MALL: variants seen among roughly 807,000 people sequenced by gnomAD.
The protein encoded by MALL is mal, T cell differentiation protein like, also known as MAL-like protein.
MALL carries 2 observed loss-of-function variants against 10.3 expected under a neutral mutation model. The observed-to-expected ratio is 0.19, with a 90% CI of 0.08 to 0.61. MALL has a LOEUF of 0.61. MALL is among the 20% of genes least tolerant of loss of function. The pLI, the probability that MALL is intolerant of heterozygous loss-of-function variation, is 0.88. For synonymous variants in MALL, 27 were observed against 51.8 expected (o/e 0.52, Z 2.05); for missense variants, 39 against 115.2 (o/e 0.34, Z 3.03).
intron 1 of MALL, among the ~76,000 whole-genome samples, chr2:110,102,933 A>G (rs1678604883): frequency 1.3e-5 from 2 of 152,124 alleles, no homozygotes; most frequent in Non-Finnish European, 2.9e-5. Flanking sequence ...ATCCCCCTCC[A>G]TACCTCCCCC....
chr2:110,100,988 TCAGGGA>T (rs1304668722), intron 1 of MALL, among the ~76,000 whole-genome samples: 1 of 151,746 alleles, frequency 6.6e-6, no homozygotes, highest in South Asian at 2.1e-4. Context: ...CAGCTGGAGG[TCAGGGA>T]CCCAGCCAGG....
chr2:110,106,301 A>G (rs1467275112), intron 1 of MALL, among the ~76,000 whole-genome samples: 2 of 152,142 alleles, frequency 1.3e-5, no homozygotes, highest in African/African-American at 4.8e-5. Context: ...AAAGCTGATG[A>G]GTCACCTCGT....
At chr2:110,097,389 T>C (rs954190267) in intron 1 of MALL, 12 of 445,792 alleles carry the variant, frequency 2.7e-5, no homozygotes, top group African/African-American at 6.1e-5. Flanking sequence ...AAACAAATAA[T>C]ATGTAAATTT....
At chr2:110,106,944 G>A (rs1270747165) in intron 1 of MALL, among the ~76,000 whole-genome samples, 4 of 152,194 alleles carry the variant, frequency 2.6e-5, no homozygotes, top group Non-Finnish European at 4.4e-5. Context: ...GCATTAGGCT[G>A]AGTGGAAGAA....
At chr2:110,097,984 AGC>A (rs1173922541) in intron 1 of MALL, among the ~76,000 whole-genome samples, 1 of 152,010 alleles carries the variant, frequency 6.6e-6, no homozygotes, top group Non-Finnish European at 1.5e-5. Context: ...CACACAGGTG[AGC>A]CGGGGTCTCC....
chr2:110,095,347 C>G (rs1678418592), intron 1 of MALL, among the ~76,000 whole-genome samples: 1 of 152,108 alleles, frequency 6.6e-6, no homozygotes, highest in South Asian at 2.1e-4. Flanking sequence ...TTGATTACAG[C>G]GAGCCATTTA....
At chr2:110,102,605 G>A (rs113177556) in intron 1 of MALL, among the ~76,000 whole-genome samples, 4 of 152,190 alleles carry the variant, frequency 2.6e-5, no homozygotes, top group East Asian at 1.9e-4. Context: ...ATCGCCTGCC[G>A]CCTTCTGGGC....
chr2:110,094,709 T>C (rs2104378915), intron 1 of MALL, among the ~76,000 whole-genome samples: 1 of 746 alleles, frequency 1.3e-3, no homozygotes, highest in South Asian at 0.026. Flanking sequence ...GTTGTGGTTC[T>C]TGCCCTAAAA....
At chr2:110,101,189 G>A (rs980378435) in intron 1 of MALL, among the ~76,000 whole-genome samples, 2 of 152,116 alleles carry the variant, frequency 1.3e-5, no homozygotes, top group African/African-American at 2.4e-5. Context: ...TTCGAATACA[G>A]GAGGATGCTG....
upstream of MALL, chr2:110,115,834 G>A: frequency 2.1e-6 from 2 of 962,982 alleles, no homozygotes; most frequent in East Asian, 3.3e-5. Context: ...GCTCGCCCGC[G>A]CGCAGCCTGT....
At chr2:110,115,836 G>A, upstream of MALL, 1 of 949,352 alleles carries the variant, frequency 1.1e-6, no homozygotes, top group Non-Finnish European at 1.4e-6. Flanking sequence ...TCGCCCGCGC[G>A]CAGCCTGTCA....
chr2:110,109,156 A>G (rs1678752355), intron 1 of MALL, among the ~76,000 whole-genome samples: 1 of 152,152 alleles, frequency 6.6e-6, no homozygotes, highest in South Asian at 2.1e-4. Flanking sequence ...ACATAACCAA[A>G]GTAGACAGGC....
chr2:110,097,686 G>A (rs1330180653), intron 1 of MALL: 2 of 359,188 alleles, frequency 5.6e-6, no homozygotes, highest in Non-Finnish European at 1.1e-5. Context: ...GCTGGGAGGT[G>A]TGGGTTTGGG....
intron 1 of MALL, among the ~76,000 whole-genome samples, chr2:110,100,602 T>G (rs948474676): frequency 5.3e-5 from 8 of 152,090 alleles, no homozygotes; most frequent in Admixed American, 3.9e-4. Context: ...CCGCCTGTAG[T>G]GTACCAGGTT....
chr2:110,096,161 AGCCCCAGGGTCTGGGGTCCT>A (rs1196724205), intron 1 of MALL, among the ~76,000 whole-genome samples: 1 of 152,116 alleles, frequency 6.6e-6, no homozygotes, highest in African/African-American at 2.4e-5. Context: ...ACTTCAAGAA[AGCCCCAGGGTCTGGGGTCCT>A]GCCCCAGAGA....
intron 1 of MALL, among the ~76,000 whole-genome samples, chr2:110,115,474 C>T (rs1218523013): frequency 6.7e-6 from 1 of 150,362 alleles, no homozygotes; most frequent in African/African-American, 2.4e-5. Context: ...GTGCTCGCTC[C>T]CCGCTCTCGG....
At chr2:110,106,267 G>A (rs1259869453) in intron 1 of MALL, among the ~76,000 whole-genome samples, 9 of 151,972 alleles carry the variant, frequency 5.9e-5, no homozygotes, top group South Asian at 2.1e-4. Context: ...TCCACCCTTC[G>A]GCTTATAAAA....
intron 1 of MALL, among the ~76,000 whole-genome samples, chr2:110,109,591 A>G (rs1002238365): frequency 1.3e-5 from 2 of 152,216 alleles, no homozygotes; most frequent in African/African-American, 4.8e-5. Context: ...ATAGAAAGCA[A>G]CACAATAATA....
chr2:110,114,781 C>A (rs1050621371), intron 1 of MALL, among the ~76,000 whole-genome samples: 4 of 151,702 alleles, frequency 2.6e-5, no homozygotes, highest in African/African-American at 9.7e-5. Flanking sequence ...GACAGCACTG[C>A]CAAATTCAGG....
Sources: gnomAD v4.1 joint callset for allele counts (sites outside exome capture counted in the v4.1 genomes callset) on GRCh38, gnomAD v4.1.1 for gene constraint, MANE v1.5 for transcripts, NCBI Gene and HGNC (gene_info 2026-07-23, HGNC 2026-07-21) for gene names.